The following HCN1 variants were observed in gnomAD, a reference collection of about 807,000 sequenced individuals.
The protein encoded by HCN1 is potassium/sodium hyperpolarization-activated cyclic nucleotide-gated channel 1.
A neutral mutation model predicts 78.9 loss-of-function variants in HCN1; 13 were observed. The observed-to-expected ratio is 0.16, with a 90% CI of 0.11 to 0.26. The LOEUF is 0.26. Among genes scored for constraint, HCN1 ranks in the 10% least tolerant of loss-of-function variants. The pLI is 1.00. For synonymous variants in HCN1, 552 were observed against 455.5 expected, an observed-to-expected ratio of 1.21 and a Z score of -2.70; for missense variants, 810 against 1,154.3, an observed-to-expected ratio of 0.70 and a Z score of 4.32.
chr5:45,599,632 C>T lies in HCN1; in HGVS notation c.849+45553G>A, dbSNP rs570609573. 3.3e-5 allele frequency among the ~76,000 whole-genome samples: 5 copies of T among 152,114 alleles called. No homozygotes were observed. In the East Asian group the frequency reaches 9.7e-4, roughly 29 times the overall value. ...ATCACTGTAAGTTTGGGCTTTAAAA[C>T]AGTTAAAAGTTCTGTCAGTATCTGA... On this transcript the variant is annotated intron_variant, in intron 2 of 7. Coordinates refer to ENST00000303230, the MANE Select transcript of HCN1 (RefSeq NM_021072.4).
chr5:45,388,687 T>C (rs10044408), intron 4 of HCN1, among the ~76,000 whole-genome samples: 49,951 of 151,960 alleles, frequency 0.33, 10,517 homozygotes, highest in African/African-American at 0.58. Flanking sequence ...ACAACTTGGA[T>C]GAACCTATAT....
chr5:45,364,510 T>TA (rs1193413397), intron 4 of HCN1, among the ~76,000 whole-genome samples: 1 of 152,090 alleles, frequency 6.6e-6, no homozygotes, highest in Non-Finnish European at 1.5e-5. Context: ...CATCTACCCT[T>TA]ACAACATGTT....
At chr5:45,620,202 C>T (rs1745029073) in intron 2 of HCN1, among the ~76,000 whole-genome samples, 1 of 151,930 alleles carries the variant, frequency 6.6e-6, no homozygotes, top group East Asian at 1.9e-4. Context: ...TCATATATTC[C>T]TAAAGAAGCA....
chr5:45,342,247 T>C (rs1233637429), intron 5 of HCN1, among the ~76,000 whole-genome samples: 1 of 151,944 alleles, frequency 6.6e-6, no homozygotes, highest in East Asian at 1.9e-4. Context: ...CCTTTTTTTT[T>C]TTTTGAGATG....
At chr5:45,272,373 A>C (rs1744976836) in intron 6 of HCN1, among the ~76,000 whole-genome samples, 1 of 152,038 alleles carries the variant, frequency 6.6e-6, no homozygotes, top group South Asian at 2.1e-4. Context: ...TTAGTTTATC[A>C]CTATTTCATT....
chr5:45,489,328 G>A (rs1418898240), intron 2 of HCN1, among the ~76,000 whole-genome samples: 1 of 152,170 alleles, frequency 6.6e-6, no homozygotes, highest in Non-Finnish European at 1.5e-5. Context: ...GGGGTTAAGA[G>A]CCTTGAAACT....
chr5:45,347,655 T>G (rs916511041), intron 5 of HCN1, among the ~76,000 whole-genome samples: 3 of 151,868 alleles, frequency 2.0e-5, no homozygotes, highest in Non-Finnish European at 4.4e-5. Flanking sequence ...ATAACCAATA[T>G]AGAGAAGTGC....
At chr5:45,675,270 C>G (rs1746247448) in intron 1 of HCN1, among the ~76,000 whole-genome samples, 1 of 151,740 alleles carries the variant, frequency 6.6e-6, no homozygotes, top group African/African-American at 2.4e-5. Context: ...CCTAGGCCAG[C>G]CAAGTCCTTT....
chr5:45,423,381 G>A (rs1010394502), intron 3 of HCN1, among the ~76,000 whole-genome samples: 2 of 152,020 alleles, frequency 1.3e-5, no homozygotes, highest in South Asian at 2.1e-4. Flanking sequence ...CACACAATCA[G>A]GCTCCAGCCT....
At position 45,371,423 on chromosome 5, in the gene HCN1, T is replaced by C. The variant is rs192868256; in HGVS notation, c.1231-18177A>G. ...AATAAAGAGAAGATCCAAATAAAAA[T>C]TCAACAATGACAAAGGGGATATTAC... On this transcript the variant is annotated intron_variant, in intron 4 of 7. Coordinates refer to ENST00000303230, the MANE Select transcript of HCN1 (RefSeq NM_021072.4). 1.6e-3 allele frequency among the ~76,000 whole-genome samples: 248 copies of C among 151,734 alleles called. 1 individual carries two copies. The highest frequency in any genetic ancestry group is 5.7e-3 in the African/African-American group (234 of 41,406).
rs531033774 is a variant in HCN1, at chr5:45,293,083, A to G, written c.1618+10516T>C. On this transcript the variant is annotated intron_variant, in intron 6 of 7. Transcript: ENST00000303230. ...TTGAATGTATGTGTCTTTATAACAGAACAATTTACATTCCTTTGAGTATAT... is the reference window on the plus strand; with the variant it reads ...TTGAATGTATGTGTCTTTATAACAGGACAATTTACATTCCTTTGAGTATAT... 2.6e-5 allele frequency among the ~76,000 whole-genome samples: 4 copies of G among 152,148 alleles called. No homozygotes were observed. The East Asian group carries it at 7.8e-4, about 30-fold the overall frequency.
chr5:45,351,833 T>C (rs1019134975), intron 5 of HCN1, among the ~76,000 whole-genome samples: 4 of 151,702 alleles, frequency 2.6e-5, no homozygotes, highest in African/African-American at 9.7e-5. Context: ...TGAGACACCA[T>C]CTCACACCAG....
At position 45,462,678 on chromosome 5, in the gene HCN1, C is replaced by T. The variant is rs528737843; in HGVS notation, c.850-671G>A. ...TACAGGCTTTACTTTTCAGTTACTC[C>T]TTATTGTTTGTATTTTGATGAAATT... On this transcript the variant is annotated intron_variant, in intron 2 of 7. Coordinates refer to ENST00000303230, the MANE Select transcript of HCN1 (RefSeq NM_021072.4). Among the ~76,000 whole-genome samples the T allele has an allele frequency of 2.0e-5, 3 of 152,026 alleles. No homozygotes were observed. The South Asian group carries it at 6.2e-4, about 32-fold the overall frequency.
At chr5:45,497,711 C>A (rs1264077638) in intron 2 of HCN1, among the ~76,000 whole-genome samples, 8 of 152,002 alleles carry the variant, frequency 5.3e-5, no homozygotes, top group African/African-American at 1.9e-4. Context: ...CATGAATTTG[C>A]AGCAGCTGGT....
chr5:45,293,709 G>T (rs561021881), intron 6 of HCN1, among the ~76,000 whole-genome samples: 1 of 152,064 alleles, frequency 6.6e-6, no homozygotes, highest in South Asian at 2.1e-4. Context: ...AAGTATGTCA[G>T]ATATTTGGCA....
At chr5:45,317,221 A>T (rs1394620853) in intron 5 of HCN1, among the ~76,000 whole-genome samples, 2 of 152,212 alleles carry the variant, frequency 1.3e-5, no homozygotes, top group African/African-American at 2.4e-5. Flanking sequence ...AAACAGAGAT[A>T]TAGACCAATG....
intron 5 of HCN1, among the ~76,000 whole-genome samples, chr5:45,334,430 T>C (rs2111956621): frequency 6.6e-6 from 1 of 152,000 alleles, no homozygotes; most frequent in Non-Finnish European, 1.5e-5. Context: ...ACTTTTTTTT[T>C]TCTCAACAGT....
chr5:45,505,241 C>T (rs1236944627), intron 2 of HCN1, among the ~76,000 whole-genome samples: 1 of 152,048 alleles, frequency 6.6e-6, no homozygotes, highest in African/African-American at 2.4e-5. Flanking sequence ...TTAGGTCTAA[C>T]ATTTAAGTCT....
chr5:45,547,476 T>C (rs1743253077), intron 2 of HCN1, among the ~76,000 whole-genome samples: 1 of 151,768 alleles, frequency 6.6e-6, no homozygotes, highest in South Asian at 2.1e-4. Context: ...GCGGAGAGAG[T>C]CTGCAAGATC....
Sources: gnomAD v4.1 joint callset for allele counts (sites outside exome capture counted in the v4.1 genomes callset) on GRCh38, gnomAD v4.1.1 for gene constraint, MANE v1.5 for transcripts, NCBI Gene and HGNC (gene_info 2026-07-23, HGNC 2026-07-21) for gene names.